The following HECTD4 variants were observed in gnomAD, a reference collection of about 807,000 sequenced individuals.
HECTD4 encodes the protein HECT domain E3 ubiquitin protein ligase 4.
Under a neutral mutation model 471.5 loss-of-function variants are expected in HECTD4, and 114 were observed. The observed-to-expected ratio is 0.24, with a 90% confidence interval of 0.21 to 0.28. The LOEUF is 0.28. Among genes scored for constraint, HECTD4 ranks in the 10% least tolerant of loss-of-function variants. The probability of loss-of-function intolerance (pLI) is 1.00; values close to 1 mark genes in which losing one functional copy is unlikely to be tolerated. For missense variants in HECTD4, 3,866 were observed against 5,651.5 expected, an observed-to-expected ratio of 0.68 and a Z score of 10.13; for synonymous variants, 2,012 against 2,256.0, an observed-to-expected ratio of 0.89 and a Z score of 3.07.
At chr12:112,207,389 C>A (rs894011549) in intron 52 of HECTD4, among the ~76,000 whole-genome samples, 2 of 150,920 alleles carry the variant, frequency 1.3e-5, no homozygotes, top group African/African-American at 4.9e-5. Context: ...GTGATCCACC[C>A]ACCTCAGCCT....
At chr12:112,306,286 T>A (rs1178643400) in intron 6 of HECTD4, 52 bp from the exon 7 acceptor site, 13 of 1,345,098 alleles carry the variant, frequency 9.7e-6, no homozygotes, top group Non-Finnish European at 1.3e-5. Flanking sequence ...AAATTCTGAT[T>A]AATCCTATCA....
chr12:112,262,636 AAC>A (rs1257226100), intron 17 of HECTD4, among the ~76,000 whole-genome samples: 1 of 128,252 alleles, frequency 7.8e-6, no homozygotes. Flanking sequence ...TATTTTTTGA[AAC>A]ACAGTCTCAC....
In HECTD4 at chr12:112,235,387, C is replaced by G; in HGVS notation, c.5725+117G>C. On this transcript the variant is annotated intron_variant, in intron 36 of 75. Coordinates refer to ENST00000682272, the MANE Select transcript of HECTD4 (RefSeq NM_001388303.1). The surrounding 1 kb of genome is among the most constrained non-coding windows in gnomAD (Gnocchi z 5.0). Reference sequence around the variant, plus strand: ...TCTTCCCCCTTCTCTATTCCTGTCCCCGCTCCCTTCTCTGTCACTCACTCT... The same window carrying G: ...TCTTCCCCCTTCTCTATTCCTGTCCGCGCTCCCTTCTCTGTCACTCACTCT... The G allele has an allele frequency of 6.7e-7, 1 of 1,482,056 alleles. No homozygotes were observed. The highest frequency in any genetic ancestry group is 1.4e-5 in the African/African-American group (1 of 71,422). 91.8% of individuals were successfully genotyped at this position (1,482,056 alleles called of 1,614,324 possible).
intron 1 of HECTD4, among the ~76,000 whole-genome samples, chr12:112,361,809 G>T (rs1368388715): frequency 1.3e-5 from 2 of 152,128 alleles, no homozygotes; most frequent in Admixed American, 1.3e-4. Context: ...ACAATATTCT[G>T]TATGGCCCTG....
intron 44 of HECTD4, 171 bp downstream of exon 44, chr12:112,226,472 T>TCGCC: frequency 4.5e-6 from 2 of 446,684 alleles, no homozygotes; most frequent in Non-Finnish European, 8.0e-6. Context: ...TTAAAAGCTT[T>TCGCC]TTATTTACAT....
At chr12:112,341,830 T>C (rs1367361484) in intron 1 of HECTD4, among the ~76,000 whole-genome samples, 1 of 152,226 alleles carries the variant, frequency 6.6e-6, no homozygotes. Flanking sequence ...TAGATAGTCA[T>C]TCAACTCCCA....
At position 112,261,323 on chromosome 12, in the gene HECTD4, A is replaced by G. The variant is rs147151024; in HGVS notation, c.2855T>C (p.Ile952Thr). ...QVTTALINSD[I>T]ADREQRLKGL... ...TCCTCACCTCTGCTCACGGTCTGCT[A>G]TGTCACTATTTATGAGGGCAGTTGT... is the stretch of plus-strand genomic sequence containing the variant. The change falls in exon 18 of 76, where the codon ATA becomes ACA. Residue 952 changes from isoleucine (I) to threonine (T), a missense_variant. Physicochemically the swap from Ile to Thr is moderately conservative, Grantham distance 89. Around this residue, in one of 16 missense-constraint regions of HECTD4, gnomAD observed 525 missense variants for 672.6 expected, o/e 0.78. Transcript: ENST00000682272. The G allele has an allele frequency of 4.4e-6, 7 of 1,605,474 alleles. No individual in the cohort carries two copies. In the African/African-American group the frequency reaches 6.7e-5, roughly 15 times the overall value.
chr12:112,201,162 C>T (rs1302763038), intron 54 of HECTD4: 16 of 441,152 alleles, frequency 3.6e-5, no homozygotes, highest in Admixed American at 3.3e-4. Context: ...GGTGTCATCT[C>T]GGCACACTGC....
chr12:112,193,289 T>C lies in HECTD4; in HGVS notation c.8956-98A>G. 6.8e-7 allele frequency: 1 copy of C among 1,470,334 alleles called. No individual in the cohort carries two copies. The highest frequency in any genetic ancestry group is 1.2e-5 in the South Asian group (1 of 80,104). 91.1% of individuals were successfully genotyped at this position (1,470,334 alleles called of 1,614,324 possible). ...TGGCCCAGGAAATCAGCCAAACGAC[T>C]AAATAGCCCTCTGGAAGGAAGCAAG... On this transcript the variant is annotated intron_variant, in intron 57 of 75. Transcript: ENST00000682272. This position sits in a 1 kb window ranked among gnomAD's most constrained non-coding sequence, Gnocchi z 5.2.
intron 7 of HECTD4, among the ~76,000 whole-genome samples, chr12:112,302,978 CTT>C (rs3031817): frequency 0.044 from 5,357 of 120,628 alleles, 243 homozygotes; most frequent in African/African-American, 0.12. Flanking sequence ...TTTGTCTGCT[CTT>C]TTTTTTTTTT....
chr12:112,302,552 CA>C, intron 7 of HECTD4: 1 of 707,260 alleles, frequency 1.4e-6, no homozygotes, highest in Admixed American at 1.9e-5. Context: ...TGTCCAATAC[CA>C]AAATTCTTAC....
intron 44 of HECTD4, among the ~76,000 whole-genome samples, chr12:112,225,602 CACAA>C (rs142247233): frequency 0.015 from 2,133 of 137,938 alleles, 21 homozygotes; most frequent in Non-Finnish European, 0.024. Context: ...GGAAACCTTC[CACAA>C]ACAAATTGTA....
At chr12:112,230,377 C>A (rs964664286) in intron 40 of HECTD4, among the ~76,000 whole-genome samples, 2 of 152,138 alleles carry the variant, frequency 1.3e-5, no homozygotes, top group African/African-American at 4.8e-5. Context: ...ATCCAATAAA[C>A]CAACACTGCA....
intron 4 of HECTD4, 28 bp from the exon 5 acceptor site, chr12:112,309,697 A>G: frequency 9.5e-7 from 1 of 1,056,934 alleles, no homozygotes; most frequent in Non-Finnish European, 1.4e-6. Context: ...CAGGTAAATT[A>G]TATATATGTT....
chr12:112,214,363 T>C (rs1179047233), intron 48 of HECTD4, among the ~76,000 whole-genome samples: 1 of 152,186 alleles, frequency 6.6e-6, no homozygotes, highest in African/African-American at 2.4e-5. Context: ...TCACAGAGTC[T>C]CCTATGGCTT....
Position 112,210,120 on chromosome 12 carries a change from C to T in HECTD4, c.7762G>A (p.Ala2588Thr). Residue 2588 changes from alanine to threonine, a missense_variant, in exon 50 of 76, where the codon GCC becomes ACC. Physicochemically the swap from Ala to Thr is moderately conservative, Grantham distance 58. Around this residue, in one of 16 missense-constraint regions of HECTD4, gnomAD observed 8 missense variants for 34.6 expected, o/e 0.23. Coordinates refer to ENST00000682272, the MANE Select transcript of HECTD4 (RefSeq NM_001388303.1). ...TCATTGTCACTGTCAGATGCCATGG[C>T]GAAAGGCAGGGCCTCAAAGTTAGCG... ...ISANFEALPF[A>T]MASDSDNDAG... The T allele has an allele frequency of 6.2e-7, 1 of 1,613,972 alleles. No homozygotes were observed.
At chr12:112,252,295 G>T in intron 23 of HECTD4, 129 bp downstream of exon 23, 1 of 924,522 alleles carries the variant, frequency 1.1e-6, no homozygotes, top group Non-Finnish European at 1.5e-6. Context: ...GTTGACTAGT[G>T]CCAACTAGAA....
At chr12:112,303,622 T>C (rs1231688376) in intron 7 of HECTD4, among the ~76,000 whole-genome samples, 3 of 151,934 alleles carry the variant, frequency 2.0e-5, no homozygotes, top group African/African-American at 7.2e-5. Context: ...GGCTGAGGCA[T>C]GCTGATCACT....
intron 2 of HECTD4, among the ~76,000 whole-genome samples, chr12:112,316,792 G>C (rs904882900): frequency 2.6e-5 from 4 of 151,176 alleles, no homozygotes; most frequent in Admixed American, 2.6e-4. Context: ...ATCTAACACT[G>C]AAAAGCACAT....
Sources: allele counts gnomAD v4.1 joint callset (sites outside exome capture counted in the v4.1 genomes callset), GRCh38; gene constraint gnomAD v4.1.1; regional missense constraint gnomAD v4.1.1; non-coding constraint Gnocchi (gnomAD v3.1); transcripts MANE v1.5; gene names NCBI Gene and HGNC (gene_info 2026-07-23, HGNC 2026-07-21).